PLA2G4D: variants seen among roughly 807,000 people sequenced by gnomAD.
PLA2G4D encodes the protein cytosolic phospholipase A2 delta.
In PLA2G4D, 80 loss-of-function variants were observed where a neutral mutation model predicts 94.4. That is an observed-to-expected ratio of 0.85 (90% CI 0.71 to 1.02). PLA2G4D has a LOEUF of 1.02. Among genes scored for constraint, PLA2G4D ranks in the 50% least tolerant of loss-of-function variants. The pLI, the probability that PLA2G4D is intolerant of heterozygous loss-of-function variation, is 0.00. For missense variants in PLA2G4D, 1,050 were observed against 1,034.7 expected (o/e 1.01, Z -0.20); for synonymous variants, 438 against 440.9 (o/e 0.99, Z 0.08).
At chr15:42,094,155 G>C (rs574251100) in intron 1 of PLA2G4D, among the ~76,000 whole-genome samples, 2 of 152,264 alleles carry the variant, frequency 1.3e-5, no homozygotes, top group Non-Finnish European at 1.5e-5. Flanking sequence ...GATGATGGTG[G>C]GGGAGAGGTC....
chr15:42,077,054 C>T (rs138545627), intron 13 of PLA2G4D, among the ~76,000 whole-genome samples: 88 of 149,770 alleles, frequency 5.9e-4, no homozygotes, highest in African/African-American at 2.1e-3. Context: ...AAAAGCTGAA[C>T]AGAACAATAA....
intron 1 of PLA2G4D, among the ~76,000 whole-genome samples, chr15:42,093,009 C>T (rs147000815): frequency 0.019 from 2,872 of 152,300 alleles, 34 homozygotes; most frequent in African/African-American, 0.023. Context: ...GCCCCAGGCC[C>T]TGCACCTCCC....
rs1392517230 is a variant in PLA2G4D at position 42,080,895 on chromosome 15, CA to C, written c.1094+101del. 4.2e-6 allele frequency: 6 copies of C among 1,416,522 alleles called. No homozygotes were observed. In the African/African-American group the frequency reaches 8.6e-5, roughly 20 times the overall value. The allele number at this position is 1,416,522 out of a possible 1,614,324, so 87.7% of individuals were successfully genotyped here. A position where few individuals can be genotyped will look rare whatever the true frequency, so the allele number is the denominator to read the frequency against. On this transcript the variant is annotated intron_variant, in intron 12 of 19. Transcript: ENST00000290472. ...TTGGCGCCCATCAGATCACAATGAT[CA>C]CACCTACTTGGCCTCCCCACACAAA...
intron 13 of PLA2G4D, 71 bp downstream of exon 13, chr15:42,079,466 G>C: frequency 6.9e-6 from 10 of 1,455,368 alleles, no homozygotes; most frequent in Non-Finnish European, 9.2e-6. Flanking sequence ...GCGCATGTCA[G>C]CCGCTTGGGA....
chr15:42,077,025 T>C (rs1197137104), intron 13 of PLA2G4D, among the ~76,000 whole-genome samples: 1 of 152,124 alleles, frequency 6.6e-6, no homozygotes, highest in Non-Finnish European at 1.5e-5. Context: ...CCTACCAAGA[T>C]TGAACCATGA....
Position 42,083,233 on chromosome 15 carries a change from C to T in PLA2G4D, c.637G>A (p.Ala213Thr), listed in dbSNP as rs1890074710. The T allele has an allele frequency of 1.2e-6, 2 of 1,614,112 alleles. No homozygotes were observed. The highest frequency in any genetic ancestry group is 1.1e-5 in the South Asian group (1 of 91,084). ...TASAFRFHYM[A>T]ALETELSGRL... ...CCGCTCAGCTCTGTCTCTAGGGCTG[C>T]CATGTAGTGGAAGCGGAAGGCAGAG... Residue 213 changes from alanine to threonine, a missense_variant, in exon 8 of 20, where the codon GCA becomes ACA. Coordinates refer to ENST00000290472, the MANE Select transcript of PLA2G4D (RefSeq NM_178034.4).
chr15:42,082,399 A>G lies in PLA2G4D; in HGVS notation c.673-10T>C. On this transcript the variant is annotated splice_polypyrimidine_tract_variant and intron_variant, in intron 8 of 19. Transcript: ENST00000290472. Reference sequence around the variant, plus strand: ...CATTGCTTCTGGAGCTCTGAAGGGAAAGCATCATTCATTCATTCATTCATT... The same window carrying G: ...CATTGCTTCTGGAGCTCTGAAGGGAGAGCATCATTCATTCATTCATTCATT... 1 of 1,605,012 alleles carries G rather than the reference A, an allele frequency of 6.2e-7. No homozygotes were observed.
In PLA2G4D at chr15:42,069,974, G is replaced by C; in HGVS notation, c.2165C>G (p.Pro722Arg). Residue 722 changes from proline to arginine, a missense_variant, in exon 19 of 20, where the codon CCC (proline) becomes CGC (arginine). Physicochemically the swap from Pro to Arg is moderately radical, Grantham distance 103 (BLOSUM62 -2). Coordinates refer to ENST00000290472, the MANE Select transcript of PLA2G4D (RefSeq NM_178034.4). ...GAAGTGCAGCAGGATCGGGGCCTCG[G>C]GGCAGGCGGGGTCTGAGAAGAGGTG... is the stretch of plus-strand genomic sequence containing the variant. ...ECHLFSDPAC[P>R]EAPILLHFPL... 1.4e-6 allele frequency: 2 copies of C among 1,475,436 alleles called. No homozygotes were observed. Among genetic ancestry groups the C allele is most frequent in the Non-Finnish European group, 1.8e-6 (2 of 1,116,852 alleles). 91.4% of individuals were successfully genotyped at this position (1,475,436 alleles called of 1,614,324 possible). A position where few individuals can be genotyped will look rare whatever the true frequency, so the allele number is the denominator to read the frequency against.
At chr15:42,087,723 G>C (rs1232726430) in intron 1 of PLA2G4D, 23 bp from the exon 2 acceptor site, 1 of 1,611,702 alleles carries the variant, frequency 6.2e-7, no homozygotes, top group Non-Finnish European at 8.5e-7. Context: ...TCAAACTCCA[G>C]AGTCCTTCCT....
intron 13 of PLA2G4D, among the ~76,000 whole-genome samples, chr15:42,076,159 A>G (rs1889921399): frequency 1.3e-5 from 2 of 152,190 alleles, no homozygotes; most frequent in Admixed American, 1.3e-4. Context: ...AAATACATGA[A>G]AAATATATGA....
intron 13 of PLA2G4D, among the ~76,000 whole-genome samples, chr15:42,074,112 T>C (rs1402333437): frequency 6.6e-6 from 1 of 152,204 alleles, no homozygotes; most frequent in East Asian, 1.9e-4. Flanking sequence ...TTGATACATA[T>C]GACTAGGGAA....
chr15:42,085,164 C>T, intron 5 of PLA2G4D, 26 bp from the exon 6 acceptor site: 1 of 1,614,098 alleles, frequency 6.2e-7, no homozygotes, highest in Non-Finnish European at 8.5e-7. Flanking sequence ...CATGCAAAGG[C>T]AAACGCTTCC....
intron 3 of PLA2G4D, 142 bp from the exon 4 acceptor site, chr15:42,086,486 C>G (rs1484289305): frequency 1.3e-6 from 1 of 742,582 alleles, no homozygotes; most frequent in Non-Finnish European, 2.1e-6. Context: ...AAAAAAAAAA[C>G]TGTAAAACTT....
chr15:42,090,323 T>C (rs1890225816), intron 1 of PLA2G4D, among the ~76,000 whole-genome samples: 1 of 152,274 alleles, frequency 6.6e-6, no homozygotes, highest in African/African-American at 2.4e-5. Context: ...GTATTTGCCA[T>C]GTTTTCAGGC....
chr15:42,068,768 T>C lies in PLA2G4D; in HGVS notation c.2404A>G (p.Thr802Ala), dbSNP rs983765161. The C allele has an allele frequency of 6.2e-7, 1 of 1,613,014 alleles. No homozygotes were observed. The highest frequency in any genetic ancestry group is 1.7e-5 in the Admixed American group (1 of 59,908). Residue 802 changes from threonine to alanine, a missense_variant, in exon 20 of 20, where the codon ACC becomes GCC. By Grantham distance (58) the Thr-to-Ala change is moderately conservative. Transcript: ENST00000290472. The part of the protein sequence containing the change: ...SQGAILQALR[T>A]ALKHRTLEAR... The stretch of plus-strand genomic sequence containing the variant: ...TCTAGAGTCCGGTGCTTCAGCGCGG[T>C]CCTCAGGGCCTGCAGGATGGCACCC...
intron 6 of PLA2G4D, 68 bp from the exon 7 acceptor site, chr15:42,083,847 T>C: frequency 6.6e-7 from 1 of 1,506,682 alleles, no homozygotes; most frequent in Non-Finnish European, 9.2e-7. Flanking sequence ...ACCTCAACCC[T>C]CTGAGACCCA....
intron 18 of PLA2G4D, chr15:42,070,389 A>G (rs1204677626): frequency 3.9e-6 from 2 of 512,628 alleles, no homozygotes; most frequent in Non-Finnish European, 6.9e-6. Flanking sequence ...CAGAGCCGAG[A>G]GGAGACCCAC....
chr15:42,089,874 G>A (rs1052995437), intron 1 of PLA2G4D, among the ~76,000 whole-genome samples: 4 of 152,116 alleles, frequency 2.6e-5, no homozygotes, highest in East Asian at 1.9e-4. Flanking sequence ...TCACCATCCC[G>A]GGTTTAAGCA....
At chr15:42,086,429 G>C in intron 3 of PLA2G4D, 85 bp from the exon 4 acceptor site, 3 of 1,414,684 alleles carry the variant, frequency 2.1e-6, no homozygotes, top group South Asian at 2.4e-5. Context: ...TTGATGTCTA[G>C]AGTCAGAGAA....
Sources: allele counts gnomAD v4.1 joint callset (sites outside exome capture counted in the v4.1 genomes callset), GRCh38; gene constraint gnomAD v4.1.1; transcripts MANE v1.5; gene names NCBI Gene and HGNC (gene_info 2026-07-23, HGNC 2026-07-21).